The following SMG1 variants were observed in gnomAD, a reference collection of about 807,000 sequenced individuals.
The protein encoded by SMG1 is SMG1 nonsense mediated mRNA decay associated PI3K related kinase.
Under a neutral mutation model 419.9 loss-of-function variants are expected in SMG1, and 22 were observed. That is an observed-to-expected ratio of 0.05 (90% CI 0.04 to 0.07). SMG1 has a LOEUF of 0.07. SMG1 is among the 10% of genes least tolerant of loss of function. The pLI is 1.00. For missense variants in SMG1, 3,185 were observed against 4,342.0 expected, an observed-to-expected ratio of 0.73 and a Z score of 7.49; for synonymous variants, 1,538 against 1,553.5, an observed-to-expected ratio of 0.99 and a Z score of 0.23.
rs1316780099 is a variant in SMG1 at position 18,845,557 on chromosome 16, G to A, written c.6091C>T (p.Pro2031Ser). The A allele has an allele frequency of 1.2e-6, 2 of 1,613,850 alleles. No homozygotes were observed. Residue 2031 changes from proline (P) to serine (S), a missense_variant, in exon 39 of 63, where the codon CCT (proline) becomes TCT (serine). Physicochemically the swap from Pro to Ser is moderately conservative, Grantham distance 74 (BLOSUM62 -1). Coordinates refer to ENST00000446231, the MANE Select transcript of SMG1 (RefSeq NM_015092.5). ...LEHVRSITAAPAETPHEKWFQ... is the reference protein window; with the variant it reads ...LEHVRSITAASAETPHEKWFQ... The stretch of plus-strand genomic sequence containing the variant: ...CATTTTTCATGAGGTGTTTCTGCAG[G>A]AGCCGCTGTGATACTCCTCACATGC...
At chr16:18,924,800 T>C (rs1359587293) in intron 1 of SMG1, 3 of 152,230 alleles carry the variant, frequency 2.0e-5, no homozygotes, top group African/African-American at 7.2e-5. Flanking sequence ...TACCACCTAT[T>C]AGCCAAAGAT....
At chr16:18,847,393 T>C (rs1596511748) in intron 38 of SMG1, 60 bp downstream of exon 38, 8 of 1,578,566 alleles carry the variant, frequency 5.1e-6, no homozygotes, top group East Asian at 2.2e-5. Context: ...TTTTATGTTA[T>C]TTATACTTTG....
chr16:18,867,700 CTTTTTTTT>C (rs778044384), intron 22 of SMG1, among the ~76,000 whole-genome samples: 3 of 87,876 alleles, frequency 3.4e-5, no homozygotes, highest in African/African-American at 4.5e-5. Context: ...ATTTTAACTT[CTTTTTTTT>C]TTTTTTTTTT....
intron 22 of SMG1, among the ~76,000 whole-genome samples, chr16:18,867,525 A>AT (rs1342219287): frequency 1.3e-4 from 16 of 119,244 alleles, no homozygotes; most frequent in African/African-American, 3.6e-4. Flanking sequence ...CTGTGTCTCA[A>AT]AAAATAAATA....
At chr16:18,922,081 G>C (rs1049638069) in intron 1 of SMG1, among the ~76,000 whole-genome samples, 6 of 152,152 alleles carry the variant, frequency 3.9e-5, no homozygotes, top group Non-Finnish European at 5.9e-5. Flanking sequence ...TCTCTTCTTT[G>C]TTGAATTAAT....
chr16:18,829,644 A>G lies in SMG1; in HGVS notation c.9245T>C (p.Ile3082Thr), dbSNP rs1302800661. Reference sequence around the variant, plus strand: ...CACAAAGTCAGCTGTGAATGCCTTGATAGGTTTGGCCATTTGGTCTTCACT... The same window carrying G: ...CACAAAGTCAGCTGTGAATGCCTTGGTAGGTTTGGCCATTTGGTCTTCACT... ...CFSEDQMAKP[I>T]KAFTADFVRQ... Residue 3082 changes from isoleucine (I) to threonine (T), a missense_variant, in exon 54 of 63, where the codon ATC becomes ACC. Ile to Thr is a moderately conservative substitution (Grantham distance 89). Transcript: ENST00000446231. 6.2e-7 allele frequency: 1 copy of G among 1,614,014 alleles called. No homozygotes were observed. Among genetic ancestry groups the G allele is most frequent in the African/African-American group, 1.3e-5 (1 of 75,052 alleles).
intron 6 of SMG1, among the ~76,000 whole-genome samples, chr16:18,887,339 AG>A (rs1326372221): frequency 2.6e-5 from 4 of 151,686 alleles, no homozygotes; most frequent in African/African-American, 9.7e-5. Context: ...TCTATAATCA[AG>A]GGGAAAAATG....
At chr16:18,842,758 G>A (rs1453447306) in intron 39 of SMG1, among the ~76,000 whole-genome samples, 3 of 152,146 alleles carry the variant, frequency 2.0e-5, no homozygotes, top group East Asian at 1.9e-4. Context: ...TGAGCCCAGG[G>A]GGCAGAGGTT....
At chr16:18,840,116 T>C (rs920572345) in intron 41 of SMG1, among the ~76,000 whole-genome samples, 170 bp from the exon 42 acceptor site, 2 of 152,208 alleles carry the variant, frequency 1.3e-5, no homozygotes, top group Non-Finnish European at 2.9e-5. Flanking sequence ...TTCTGGACTA[T>C]GGATCTTTCT....
At chr16:18,892,498 T>C in intron 3 of SMG1, 144 bp from the exon 4 acceptor site, 1 of 603,976 alleles carries the variant, frequency 1.7e-6, no homozygotes, top group South Asian at 2.4e-5. Flanking sequence ...GGAAGGCGGG[T>C]AGATCACCTG....
At chr16:18,820,776 C>T (rs2032458076) in intron 55 of SMG1, among the ~76,000 whole-genome samples, 1 of 152,168 alleles carries the variant, frequency 6.6e-6, no homozygotes, top group African/African-American at 2.4e-5. Flanking sequence ...AAAAAAGCTT[C>T]ATTAAAAAAC....
At chr16:18,916,445 G>A (rs2037981750) in intron 1 of SMG1, among the ~76,000 whole-genome samples, 1 of 149,868 alleles carries the variant, frequency 6.7e-6, no homozygotes, top group Non-Finnish European at 1.5e-5. Flanking sequence ...AACCCCGGGG[G>A]GTGGAGCCTG....
At chr16:18,892,886 C>T (rs564382794) in intron 3 of SMG1, among the ~76,000 whole-genome samples, 24 of 152,244 alleles carry the variant, frequency 1.6e-4, no homozygotes, top group African/African-American at 5.3e-4. Flanking sequence ...CTGAAGGAAA[C>T]AAGAAATGAA....
intron 6 of SMG1, among the ~76,000 whole-genome samples, chr16:18,888,713 A>ACCCG (rs2036747506): frequency 4.0e-5 from 6 of 151,140 alleles, no homozygotes; most frequent in Admixed American, 6.6e-5. Context: ...TGATGTTTCC[A>ACCCG]CCTCGGCCTC....
At chr16:18,858,336 A>T in intron 28 of SMG1, 46 bp from the exon 29 acceptor site, 1 of 1,554,062 alleles carries the variant, frequency 6.4e-7, no homozygotes, top group Non-Finnish European at 8.6e-7. Flanking sequence ...CAGGCTGTTG[A>T]TATGTTTGCA....
At chr16:18,872,442 A>T (rs117332168) in intron 14 of SMG1, 52 bp downstream of exon 14, 134,123 of 896,918 alleles carry the variant, frequency 0.15, 6,061 homozygotes, top group South Asian at 0.23. Context: ...TCTATCCATT[A>T]AAAAAAAAAA....
At chr16:18,835,541 T>C (rs754735220) in intron 48 of SMG1, among the ~76,000 whole-genome samples, 14 of 152,152 alleles carry the variant, frequency 9.2e-5, no homozygotes, top group Non-Finnish European at 1.8e-4. Flanking sequence ...CTTGGGAGGC[T>C]GAAGTGGGAG....
chr16:18,872,727 A>G, intron 13 of SMG1, 103 bp from the exon 14 acceptor site: 2 of 1,055,474 alleles, frequency 1.9e-6, no homozygotes, highest in Non-Finnish European at 2.7e-6. Flanking sequence ...TTTTTAAATT[A>G]AAATTACAGA....
intron 59 of SMG1, 72 bp downstream of exon 59, chr16:18,815,368 C>G: frequency 6.4e-7 from 1 of 1,573,644 alleles, no homozygotes; most frequent in South Asian, 1.1e-5. Flanking sequence ...AAAATTAAAT[C>G]AAGAGATAAA....
Sources: allele counts gnomAD v4.1 joint callset (sites outside exome capture counted in the v4.1 genomes callset), GRCh38; gene constraint gnomAD v4.1.1; transcripts MANE v1.5; gene names NCBI Gene and HGNC (gene_info 2026-07-23, HGNC 2026-07-21).